SEMA5A: variants seen among roughly 807,000 people sequenced by gnomAD.
SEMA5A encodes the protein semaphorin-5A.
Under a neutral mutation model 135.5 loss-of-function variants are expected in SEMA5A, and 55 were observed. That is an observed-to-expected ratio of 0.41 (90% CI 0.33 to 0.51). SEMA5A has a LOEUF of 0.51. Ranked by LOEUF, SEMA5A falls within the 20% of genes least tolerant of loss-of-function variation. SEMA5A has a pLI of 0.37. For synonymous variants in SEMA5A, 580 were observed against 546.5 expected, an observed-to-expected ratio of 1.06 and a Z score of -0.85; for missense variants, 1,290 against 1,419.9, an observed-to-expected ratio of 0.91 and a Z score of 1.47.
At chr5:9,240,971 T>G (rs1748160381) in intron 5 of SEMA5A, among the ~76,000 whole-genome samples, 2 of 152,122 alleles carry the variant, frequency 1.3e-5, no homozygotes, top group Admixed American at 1.3e-4. Flanking sequence ...AAATATTTAA[T>G]TTTTGTCATC....
chr5:9,163,219 CAG>C (rs1743391296), intron 11 of SEMA5A, among the ~76,000 whole-genome samples: 1 of 149,066 alleles, frequency 6.7e-6, no homozygotes, highest in African/African-American at 2.5e-5. Flanking sequence ...ATGAAGCAAA[CAG>C]GGAAACAGAC....
intron 2 of SEMA5A, among the ~76,000 whole-genome samples, chr5:9,381,988 G>A (rs1293185176): frequency 6.6e-4 from 67 of 101,654 alleles, no homozygotes; most frequent in Non-Finnish European, 9.2e-4. Context: ...GTGTGCGCGC[G>A]CGCGCACATC....
intron 1 of SEMA5A, among the ~76,000 whole-genome samples, chr5:9,455,049 T>C (rs918649942): frequency 6.6e-6 from 1 of 152,064 alleles, no homozygotes; most frequent in African/African-American, 2.4e-5. Flanking sequence ...AAAATCAGAA[T>C]AATTTATGAG....
chr5:9,367,084 G>A (rs1393529577), intron 3 of SEMA5A, among the ~76,000 whole-genome samples: 1 of 152,156 alleles, frequency 6.6e-6, no homozygotes, highest in Non-Finnish European at 1.5e-5. Context: ...AGTGATGCTG[G>A]AAGGCAAAGG....
At chr5:9,419,531 G>C (rs1014499837) in intron 2 of SEMA5A, among the ~76,000 whole-genome samples, 1 of 152,156 alleles carries the variant, frequency 6.6e-6, no homozygotes, top group East Asian at 1.9e-4. Flanking sequence ...CGATGGTCGA[G>C]GATGCTGATT....
At chr5:9,162,585 T>TATATACATAC (rs370982773) in intron 11 of SEMA5A, among the ~76,000 whole-genome samples, 1 of 112,064 alleles carries the variant, frequency 8.9e-6, no homozygotes, top group East Asian at 3.1e-4. Context: ...TATATATATA[T>TATATACATAC]ACACACACAC....
chr5:9,154,438 T>C, intron 12 of SEMA5A, 50 bp downstream of exon 12: 3 of 1,577,284 alleles, frequency 1.9e-6, no homozygotes, highest in South Asian at 1.1e-5. Context: ...TCTCTCTGGG[T>C]GGGCCCTTCA....
At chr5:9,403,517 C>G (rs1161103369) in intron 2 of SEMA5A, among the ~76,000 whole-genome samples, 2 of 152,176 alleles carry the variant, frequency 1.3e-5, no homozygotes, top group Non-Finnish European at 2.9e-5. Flanking sequence ...CGTTACAACA[C>G]TAGCATATTA....
intron 5 of SEMA5A, among the ~76,000 whole-genome samples, chr5:9,266,731 A>T (rs969650592): frequency 2.6e-5 from 4 of 152,226 alleles, no homozygotes; most frequent in African/African-American, 9.6e-5. Context: ...TGTCCAGCTC[A>T]GAAAGCCCAT....
intron 5 of SEMA5A, among the ~76,000 whole-genome samples, chr5:9,238,882 A>C (rs1322474378): frequency 1.3e-5 from 2 of 152,184 alleles, no homozygotes; most frequent in African/African-American, 4.8e-5. Flanking sequence ...TTTGAGATAG[A>C]GACTTTTTTC....
intron 14 of SEMA5A, among the ~76,000 whole-genome samples, chr5:9,122,278 G>C (rs551614904): frequency 1.3e-5 from 2 of 152,100 alleles, no homozygotes; most frequent in Non-Finnish European, 2.9e-5. Context: ...AGAGCAAGTC[G>C]ATCAAGGACT....
intron 5 of SEMA5A, among the ~76,000 whole-genome samples, chr5:9,287,601 C>A (rs1750863585): frequency 6.6e-6 from 1 of 152,076 alleles, no homozygotes; most frequent in Non-Finnish European, 1.5e-5. Flanking sequence ...TTATGTTACC[C>A]TAGTACAGGA....
intron 1 of SEMA5A, among the ~76,000 whole-genome samples, chr5:9,524,272 T>C (rs1256313065): frequency 1.3e-5 from 2 of 152,218 alleles, no homozygotes; most frequent in Admixed American, 1.3e-4. Flanking sequence ...ACATCTTTTC[T>C]TCATGAATTA....
chr5:9,068,504 A>G (rs1055320444), intron 16 of SEMA5A, among the ~76,000 whole-genome samples: 2 of 152,166 alleles, frequency 1.3e-5, no homozygotes, highest in African/African-American at 4.8e-5. Context: ...TGCCGTTCTC[A>G]GTTCTGAAGC....
At chr5:9,247,565 C>T (rs1159317080) in intron 5 of SEMA5A, among the ~76,000 whole-genome samples, 1 of 152,090 alleles carries the variant, frequency 6.6e-6, no homozygotes, top group East Asian at 1.9e-4. Context: ...TTGTTTTATA[C>T]TCATGGAACA....
intron 3 of SEMA5A, among the ~76,000 whole-genome samples, chr5:9,349,815 T>G (rs1247313774): frequency 6.6e-6 from 1 of 152,018 alleles, no homozygotes; most frequent in Non-Finnish European, 1.5e-5. Flanking sequence ...GGCAGGAGAA[T>G]TGCTTGAACC....
chr5:9,347,806 G>A (rs116121567), intron 3 of SEMA5A, among the ~76,000 whole-genome samples: 1,864 of 152,228 alleles, frequency 0.012, 13 homozygotes, highest in South Asian at 0.022. Context: ...CTAGATCGTC[G>A]TCACAAGATA....
chr5:9,170,548 T>A (rs1743861277), intron 11 of SEMA5A, among the ~76,000 whole-genome samples: 1 of 152,036 alleles, frequency 6.6e-6, no homozygotes, highest in African/African-American at 2.4e-5. Flanking sequence ...GGTGGGGGGC[T>A]TTGGGAAGTG....
chr5:9,457,940 C>T (rs1207437484), intron 1 of SEMA5A, among the ~76,000 whole-genome samples: 1 of 117,474 alleles, frequency 8.5e-6, no homozygotes, highest in Non-Finnish European at 1.6e-5. Flanking sequence ...CAGAGTCTCG[C>T]TCTGTCACCC....
Sources: gnomAD v4.1 joint callset for allele counts (sites outside exome capture counted in the v4.1 genomes callset) on GRCh38, gnomAD v4.1.1 for gene constraint, MANE v1.5 for transcripts, NCBI Gene and HGNC (gene_info 2026-07-23, HGNC 2026-07-21) for gene names.